SMURF2: variants seen among roughly 807,000 people sequenced by gnomAD.
SMURF2 encodes the protein E3 ubiquitin-protein ligase SMURF2.
Under a neutral mutation model 109.6 loss-of-function variants are expected in SMURF2, and 48 were observed. That is an observed-to-expected ratio of 0.44 (90% CI 0.35 to 0.56). The LOEUF is 0.56. Among genes scored for constraint, SMURF2 ranks in the 20% least tolerant of loss-of-function variants. SMURF2 has a pLI of 0.01. For missense variants in SMURF2, 575 were observed against 909.0 expected (o/e 0.63, Z 4.72); for synonymous variants, 288 against 317.1 (o/e 0.91, Z 0.97).
chr17:64,625,983 CA>C (rs1473510209), intron 1 of SMURF2, among the ~76,000 whole-genome samples: 1 of 152,108 alleles, frequency 6.6e-6, no homozygotes, highest in Admixed American at 6.6e-5. Context: ...CATTAAAGAA[CA>C]ACATAGGGGC....
intron 5 of SMURF2, among the ~76,000 whole-genome samples, chr17:64,590,215 C>T (rs549036220): frequency 6.4e-4 from 95 of 148,760 alleles, no homozygotes; most frequent in African/African-American, 2.3e-3. Flanking sequence ...GATCATGGCT[C>T]ACTGCAACCT....
At chr17:64,648,199 A>ACATGTGAC (rs1970587647) in intron 1 of SMURF2, among the ~76,000 whole-genome samples, 1 of 152,018 alleles carries the variant, frequency 6.6e-6, no homozygotes, top group Non-Finnish European at 1.5e-5. Flanking sequence ...CAGACTACTT[A>ACATGTGAC]CATGTGACTT....
chr17:64,587,808 A>G (rs1224417102), intron 5 of SMURF2, among the ~76,000 whole-genome samples: 1 of 152,216 alleles, frequency 6.6e-6, no homozygotes, highest in Non-Finnish European at 1.5e-5. Context: ...TTAAATAGAT[A>G]AAACAAGTGA....
intron 1 of SMURF2, among the ~76,000 whole-genome samples, chr17:64,640,019 G>A (rs1555692449): frequency 1.3e-5 from 2 of 152,136 alleles, no homozygotes; most frequent in Non-Finnish European, 2.9e-5. Context: ...TTAGTTAATA[G>A]GGAAAACTGG....
chr17:64,641,191 A>C (rs1396445965), intron 1 of SMURF2, among the ~76,000 whole-genome samples: 1 of 152,174 alleles, frequency 6.6e-6, no homozygotes, highest in Non-Finnish European at 1.5e-5. Context: ...TTAATAAGCT[A>C]TCATAACTCT....
At chr17:64,586,922 T>C (rs1427740327) in intron 5 of SMURF2, among the ~76,000 whole-genome samples, 2 of 152,004 alleles carry the variant, frequency 1.3e-5, no homozygotes, top group African/African-American at 2.4e-5. Context: ...TCCCAGCACT[T>C]TGGGAGGCCG....
intron 1 of SMURF2, among the ~76,000 whole-genome samples, chr17:64,649,616 C>T (rs1424135712): frequency 6.7e-6 from 1 of 149,144 alleles, no homozygotes; most frequent in Non-Finnish European, 1.5e-5. Context: ...CTGCAACGGG[C>T]GTATCACTTA....
At chr17:64,552,326 A>C (rs1969057127) in intron 15 of SMURF2, among the ~76,000 whole-genome samples, 2 of 152,242 alleles carry the variant, frequency 1.3e-5, no homozygotes. Context: ...TGTACGATTT[A>C]TAAGTGAATT....
intron 11 of SMURF2, among the ~76,000 whole-genome samples, chr17:64,562,264 G>A (rs1555684573): frequency 9.3e-6 from 1 of 107,770 alleles, no homozygotes; most frequent in East Asian, 3.1e-4. Flanking sequence ...CTGCACTCCA[G>A]CCTGGCGACA....
chr17:64,618,170 C>T (rs766712984), intron 1 of SMURF2, among the ~76,000 whole-genome samples: 1 of 152,150 alleles, frequency 6.6e-6, no homozygotes, highest in African/African-American at 2.4e-5. Context: ...CGGTGGCTTA[C>T]GCCTATAATC....
Position 64,546,341 on chromosome 17 carries a change from G to C in SMURF2, c.2072-3C>G. The C allele has an allele frequency of 6.2e-7, 1 of 1,613,510 alleles. No individual in the cohort carries two copies. Among genetic ancestry groups the C allele is most frequent in the Non-Finnish European group, 8.5e-7 (1 of 1,179,654 alleles). Reference sequence around the variant, plus strand: ...AAAGAGTCTCGGGCCTGCAGCACCTGCAAATGAAGGAAATGTGGATGAAAT... The same window carrying C: ...AAAGAGTCTCGGGCCTGCAGCACCTCCAAATGAAGGAAATGTGGATGAAAT... On this transcript the variant is annotated splice_polypyrimidine_tract_variant and splice_region_variant and intron_variant, in intron 17 of 18. Transcript: ENST00000262435.
At chr17:64,579,289 C>CT (rs554525743) in intron 8 of SMURF2, among the ~76,000 whole-genome samples, 2,791 of 146,846 alleles carry the variant, frequency 0.019, 31 homozygotes, top group Non-Finnish European at 0.023. Flanking sequence ...TTTGTTTTGT[C>CT]TTTTTTTTTT....
At chr17:64,653,054 T>C (rs1970660070) in intron 1 of SMURF2, among the ~76,000 whole-genome samples, 1 of 151,504 alleles carries the variant, frequency 6.6e-6, no homozygotes, top group Non-Finnish European at 1.5e-5. Flanking sequence ...AAAACACTGA[T>C]AAACAGGTTT....
chr17:64,551,803 C>T, intron 15 of SMURF2, 99 bp from the exon 16 acceptor site: 1 of 1,438,450 alleles, frequency 7.0e-7, no homozygotes, highest in South Asian at 1.2e-5. Flanking sequence ...ATCTTACAAG[C>T]ATCTAACATT....
chr17:64,586,488 C>A (rs555533908), intron 5 of SMURF2, among the ~76,000 whole-genome samples: 1 of 152,118 alleles, frequency 6.6e-6, no homozygotes, highest in Non-Finnish European at 1.5e-5. Flanking sequence ...GTGGCTCATG[C>A]CTGTAATCCC....
In SMURF2 at chr17:64,543,269, T is replaced by A. The variant is rs1398708465; in HGVS notation, c.*2579A>T. The A allele has an allele frequency of 6.9e-6, 1 of 145,880 alleles. No individual in the cohort carries two copies. The highest frequency in any genetic ancestry group is 1.5e-5 in the Non-Finnish European group (1 of 67,792). The allele number at this position is 145,880 out of a possible 1,614,324, so 9.0% of individuals were successfully genotyped here. On this transcript the variant is annotated 3_prime_UTR_variant, in exon 19 of 19. Coordinates refer to ENST00000262435, the MANE Select transcript of SMURF2 (RefSeq NM_022739.4). ...ACATAGACTGTTATGGAGAGTAATT[T>A]CTTTTTTTTTTTTTTTTGGGCGGGG...
At chr17:64,658,323 CTCCAG>C (rs1287714515) in intron 1 of SMURF2, among the ~76,000 whole-genome samples, 2 of 152,154 alleles carry the variant, frequency 1.3e-5, no homozygotes, top group Admixed American at 6.6e-5. Flanking sequence ...AGCCCTTCAA[CTCCAG>C]TCAAGAGTGA....
At chr17:64,594,939 T>G (rs1249152786) in intron 3 of SMURF2, among the ~76,000 whole-genome samples, 3 of 151,702 alleles carry the variant, frequency 2.0e-5, no homozygotes, top group African/African-American at 7.3e-5. Context: ...GTGGTGAGCC[T>G]AGATTGCGTC....
At chr17:64,615,479 A>C (rs1237654327) in intron 1 of SMURF2, among the ~76,000 whole-genome samples, 1 of 152,232 alleles carries the variant, frequency 6.6e-6, no homozygotes, top group African/African-American at 2.4e-5. Context: ...CAGAAGTATC[A>C]ACTGATGTAC....
Sources: gnomAD v4.1 joint callset for allele counts (sites outside exome capture counted in the v4.1 genomes callset) on GRCh38, gnomAD v4.1.1 for gene constraint, MANE v1.5 for transcripts, NCBI Gene and HGNC (gene_info 2026-07-23, HGNC 2026-07-21) for gene names.